The following WDR91 variants were observed in gnomAD, a reference collection of about 807,000 sequenced individuals.
WDR91 encodes WD repeat-containing protein 91.
WDR91 carries 52 observed loss-of-function variants against 88.4 expected under a neutral mutation model. The observed-to-expected ratio is 0.59, with a 90% CI of 0.47 to 0.74. The LOEUF is 0.74. WDR91 is among the 30% of genes least tolerant of loss of function. WDR91 has a pLI of 0.00. For missense variants in WDR91, 824 were observed against 954.5 expected, an observed-to-expected ratio of 0.86 and a Z score of 1.80; for synonymous variants, 362 against 389.5, an observed-to-expected ratio of 0.93 and a Z score of 0.83.
At chr7:135,205,027 G>A (rs147911135) in intron 5 of WDR91, among the ~76,000 whole-genome samples, 80 of 152,310 alleles carry the variant, frequency 5.3e-4, no homozygotes, top group Admixed American at 5.2e-3. Flanking sequence ...CTATGTGGAG[G>A]TCTGGAATCC....
At position 135,204,383 on chromosome 7, in the gene WDR91, A is replaced by G; in HGVS notation, c.776T>C (p.Val259Ala). 6.2e-7 allele frequency: 1 copy of G among 1,614,218 alleles called. No homozygotes were observed. The highest frequency in any genetic ancestry group is 8.5e-7 in the Non-Finnish European group (1 of 1,180,026). ...AGGCAGCAGCGAGGACAGGAAGCCC[A>G]CACGAGGTGACTGGGAGAGGGAGGC... Reference protein sequence around the residue: ...RNASLSQSPRVGFLSSLLPQS... With the variant: ...RNASLSQSPRAGFLSSLLPQS... The change falls in exon 6 of 15, where the codon GTG (valine) becomes GCG (alanine). Residue 259 changes from valine (V) to alanine (A), a missense_variant. Coordinates refer to ENST00000354475, the MANE Select transcript of WDR91 (RefSeq NM_014149.4).
intron 12 of WDR91, 124 bp from the exon 13 acceptor site, chr7:135,188,669 C>T (rs1831045431): frequency 6.2e-6 from 5 of 812,794 alleles, no homozygotes; most frequent in South Asian, 3.1e-5. Context: ...CAAGGGCAGG[C>T]ACCCAGGACC....
chr7:135,186,012 G>C lies in WDR91; in HGVS notation c.*139C>G, dbSNP rs932362992. On this transcript the variant is annotated 3_prime_UTR_variant, in exon 15 of 15. Coordinates refer to ENST00000354475, the MANE Select transcript of WDR91 (RefSeq NM_014149.4). ...CCAGTCACCACAGATGGAAGCACCT[G>C]AGCCTCCTTGCCAGTCTTTCCCTGC... 9.9e-7 allele frequency: 1 copy of C among 1,006,646 alleles called. No homozygotes were observed. Among genetic ancestry groups the C allele is most frequent in the African/African-American group, 1.7e-5 (1 of 59,078 alleles). 62.4% of individuals were successfully genotyped at this position (1,006,646 alleles called of 1,614,324 possible).
rs1327163008 is a variant in WDR91, at chr7:135,205,952, A to G, written c.701T>C (p.Met234Thr). The G allele has an allele frequency of 1.2e-6, 2 of 1,613,978 alleles. No individual in the cohort carries two copies. Among genetic ancestry groups the G allele is most frequent in the South Asian group, 1.1e-5 (1 of 91,076 alleles). The change falls in exon 5 of 15, where the codon ATG becomes ACG. Residue 234 changes from methionine to threonine, a missense_variant. By Grantham distance (81) the Met-to-Thr change is moderately conservative (BLOSUM62 -1). Coordinates refer to ENST00000354475, the MANE Select transcript of WDR91 (RefSeq NM_014149.4). ...QHKLPPYVSN[M>T]DRLGDSELAM... The stretch of plus-strand genomic sequence containing the variant: ...CAGTTCCGAGTCCCCCAGGCGGTCC[A>G]TGTTGGAGACATAAGGAGGCAATTT...
chr7:135,203,515 CA>C (rs1233296384), intron 6 of WDR91, among the ~76,000 whole-genome samples: 18 of 151,978 alleles, frequency 1.2e-4, no homozygotes, highest in Admixed American at 3.3e-4. Context: ...AAGCTGACAT[CA>C]AAAAAAGATC....
chr7:135,203,776 C>G (rs190054493), intron 6 of WDR91, among the ~76,000 whole-genome samples: 1 of 152,336 alleles, frequency 6.6e-6, no homozygotes, highest in Admixed American at 6.5e-5. Context: ...TCTTCAAAGC[C>G]TACTTCCTGT....
At chr7:135,189,597 C>T (rs561257558) in intron 11 of WDR91, 145 bp from the exon 12 acceptor site, 206 of 614,692 alleles carry the variant, frequency 3.4e-4, no homozygotes, top group South Asian at 7.4e-4. Flanking sequence ...TGAGCCTTTG[C>T]CAAAGTGCTG....
chr7:135,193,920 C>T lies in WDR91; in HGVS notation c.1396-248G>A. Reference sequence around the variant, plus strand: ...CTGTGGAATGGGAGAGACGCGTCACCTTGGACACATATGGAAATGTTCTGG... The same window carrying T: ...CTGTGGAATGGGAGAGACGCGTCACTTTGGACACATATGGAAATGTTCTGG... On this transcript the variant is annotated intron_variant, in intron 9 of 14. Coordinates refer to ENST00000354475, the MANE Select transcript of WDR91 (RefSeq NM_014149.4). The T allele has an allele frequency of 2.3e-5, 11 of 479,628 alleles. No individual in the cohort carries two copies. In the South Asian group the frequency reaches 2.5e-4, roughly 11 times the overall value. The allele number at this position is 479,628 out of a possible 1,614,324, so 29.7% of individuals were successfully genotyped here.
At position 135,196,290 on chromosome 7, in the gene WDR91, G is replaced by A; in HGVS notation, c.1098C>T (p.Cys366=). ...CCACTGGCTCCGTGTGGAGCTCTGG[G>A]CAGGGCTCAGCCTCTGGGCCACTGG... ...PEASGPEAEP[C]PELHTEPVEP... Residue 366 remains cysteine, a synonymous_variant, in exon 8 of 15, where the codon TGC becomes TGT. Transcript: ENST00000354475. This position sits in a 1 kb window ranked among gnomAD's most constrained non-coding sequence, Gnocchi z 4.2. The A allele has an allele frequency of 1.9e-6, 3 of 1,603,910 alleles. No homozygotes were observed. Among genetic ancestry groups the A allele is most frequent in the Non-Finnish European group, 2.6e-6 (3 of 1,174,798 alleles).
chr7:135,207,194 C>T lies in WDR91; in HGVS notation c.520G>A (p.Val174Met). 1 of 1,605,358 alleles carries T rather than the reference C, an allele frequency of 6.2e-7. No individual in the cohort carries two copies. The highest frequency in any genetic ancestry group is 2.2e-5 in the East Asian group (1 of 44,538). Residue 174 changes from valine (V) to methionine (M), a missense_variant, in exon 4 of 15, where the codon GTG (valine) becomes ATG (methionine). Physicochemically the swap from Val to Met is conservative, Grantham distance 21. Transcript: ENST00000354475. ...SVLFQCMPVP[V>M]ILNFDAECQR... ...CACTCCGCATCAAAGTTCAGGATCA[C>T]AGGGACTGGTGCACGAAGTTAAAGA...
At position 135,183,977 on chromosome 7, in the gene WDR91, T is replaced by A. The variant is rs1022926454; in HGVS notation, c.*2174A>T. On this transcript the variant is annotated 3_prime_UTR_variant, in exon 15 of 15. Transcript: ENST00000354475. ...ATCTCAGCAAGCTGTAGAGATGGTA[T>A]TAAGGGGAGAGAAAACTTTGAGATG... 6.6e-6 allele frequency: 1 copy of A among 152,088 alleles called. No individual in the cohort carries two copies. The highest frequency in any genetic ancestry group is 1.5e-5 in the Non-Finnish European group (1 of 68,014). 9.4% of individuals were successfully genotyped at this position (152,088 alleles called of 1,614,324 possible). A position where few individuals can be genotyped will look rare whatever the true frequency, so the allele number is the denominator to read the frequency against.
intron 3 of WDR91, among the ~76,000 whole-genome samples, 180 bp downstream of exon 3, chr7:135,208,611 T>C (rs1831893500): frequency 6.6e-6 from 1 of 152,198 alleles, no homozygotes; most frequent in African/African-American, 2.4e-5. Context: ...CTAAGATTTA[T>C]GATTCCCTGG....
intron 5 of WDR91, 118 bp from the exon 6 acceptor site, chr7:135,204,551 A>AG: frequency 3.6e-6 from 4 of 1,108,344 alleles, no homozygotes; most frequent in Non-Finnish European, 5.1e-6. Context: ...CAGGTCCAAG[A>AG]GCCTGGGCTT....
intron 1 of WDR91, 33 bp downstream of exon 1, chr7:135,211,347 C>T (rs1436000743): frequency 3.1e-6 from 5 of 1,593,550 alleles, no homozygotes; most frequent in East Asian, 2.3e-5. Flanking sequence ...CCTCGGGCCG[C>T]CTCTGCCCGC....
chr7:135,201,653 G>A (rs1020660265), intron 6 of WDR91: 11 of 152,116 alleles, frequency 7.2e-5, no homozygotes, highest in African/African-American at 2.7e-4. Context: ...TATTTTTTGT[G>A]TGTGCTTATT....
At chr7:135,192,824 T>C (rs138284058) in intron 11 of WDR91, among the ~76,000 whole-genome samples, 164 of 152,294 alleles carry the variant, frequency 1.1e-3, no homozygotes, top group Non-Finnish European at 1.9e-3. Flanking sequence ...AAGGGGTCCT[T>C]GGCTCTGAGG....
rs1052909497 is a variant in WDR91, at chr7:135,200,019, G to A, written c.892-1868C>T. The A allele has an allele frequency of 3.3e-5, 5 of 152,312 alleles. No individual in the cohort carries two copies. In the East Asian group the frequency reaches 9.6e-4, roughly 29 times the overall value. The allele number at this position is 152,312 out of a possible 1,614,324, so 9.4% of individuals were successfully genotyped here. On this transcript the variant is annotated intron_variant, in intron 6 of 14. Transcript: ENST00000354475. ...GAGAAGAACTACCTTTACAATGATAGGGCAGTTTACGCCAAGACAGTGATG... is the reference window on the plus strand; with the variant it reads ...GAGAAGAACTACCTTTACAATGATAAGGCAGTTTACGCCAAGACAGTGATG...
intron 1 of WDR91, chr7:135,210,756 T>C (rs1585446501): frequency 2.8e-6 from 2 of 703,472 alleles, no homozygotes; most frequent in Non-Finnish European, 5.2e-6. Context: ...TCCAGTGCTC[T>C]TGCTGTTAGC....
At position 135,193,413 on chromosome 7, in the gene WDR91, G is replaced by A. The variant is rs1831245348; in HGVS notation, c.1491-14C>T. The A allele has an allele frequency of 1.9e-6, 3 of 1,613,724 alleles. No individual in the cohort carries two copies. Among genetic ancestry groups the A allele is most frequent in the Admixed American group, 1.7e-5 (1 of 60,024 alleles). On this transcript the variant is annotated splice_polypyrimidine_tract_variant and intron_variant, in intron 10 of 14. Coordinates refer to ENST00000354475, the MANE Select transcript of WDR91 (RefSeq NM_014149.4). Reference sequence around the variant, plus strand: ...AGAGACAGGATTCTGCAACACACATGGGCCTGGGTCAGACCCTCTGCCTGC... The same window carrying A: ...AGAGACAGGATTCTGCAACACACATAGGCCTGGGTCAGACCCTCTGCCTGC...
Sources: allele counts gnomAD v4.1 joint callset (sites outside exome capture counted in the v4.1 genomes callset), GRCh38; gene constraint gnomAD v4.1.1; non-coding constraint Gnocchi (gnomAD v3.1); transcripts MANE v1.5; gene names NCBI Gene and HGNC (gene_info 2026-07-23, HGNC 2026-07-21).